MAP3K8: variants seen among roughly 807,000 people sequenced by gnomAD.
The protein encoded by MAP3K8 is Ewing sarcoma transformant.
In MAP3K8, 22 loss-of-function variants were observed where a neutral mutation model predicts 45.8. The observed-to-expected ratio is 0.48, with a 90% CI of 0.34 to 0.69. The LOEUF (loss-of-function observed/expected upper bound fraction) is 0.69. Ranked by LOEUF, MAP3K8 falls within the 30% of genes least tolerant of loss-of-function variation. The pLI is 0.01. For synonymous variants in MAP3K8, 223 were observed against 214.3 expected (o/e 1.04, Z -0.36); for missense variants, 419 against 585.0 (o/e 0.72, Z 2.93).
chr10:30,442,710 G>A (rs8176983), intron 3 of MAP3K8, among the ~76,000 whole-genome samples: 26,111 of 152,136 alleles, frequency 0.17, 3,197 homozygotes, highest in African/African-American at 0.34. Context: ...TCTAAAATGA[G>A]TTCCAAACAC....
chr10:30,458,903 C>A (rs563470529), intron 7 of MAP3K8, among the ~76,000 whole-genome samples: 6 of 152,194 alleles, frequency 3.9e-5, no homozygotes, highest in Non-Finnish European at 5.9e-5. Context: ...AGCAAGACCC[C>A]ATCGCTACAA....
chr10:30,441,317 C>A (rs1015311115), intron 3 of MAP3K8, among the ~76,000 whole-genome samples: 3 of 152,066 alleles, frequency 2.0e-5, no homozygotes, highest in Non-Finnish European at 4.4e-5. Context: ...CCACCATACC[C>A]GGCTAATTTT....
chr10:30,437,817 G>A (rs1226821450), intron 2 of MAP3K8, among the ~76,000 whole-genome samples: 1 of 152,192 alleles, frequency 6.6e-6, no homozygotes, highest in Non-Finnish European at 1.5e-5. Flanking sequence ...GTGCTTCTCA[G>A]AACTTGAAAT....
chr10:30,458,268 C>CGGG (rs9299646), intron 7 of MAP3K8, 32 bp downstream of exon 7: 5,917 of 440,810 alleles, frequency 0.013, 157 homozygotes, highest in African/African-American at 0.05. Flanking sequence ...CTGGGGGCGG[C>CGGG]GGGGGGGGGC....
Position 30,434,340 on chromosome 10 carries a change from C to A in MAP3K8, c.-293C>A. On this transcript the variant is annotated 5_prime_UTR_variant, in exon 1 of 9. The change creates a new upstream start codon in the 5' untranslated region. Transcript: ENST00000263056. ...GCACCGAACCTTCGGGGGGCCGCGGCTGGAGCGCTCGGCCGGCGTGGGAGC... is the reference window on the plus strand; with the variant it reads ...GCACCGAACCTTCGGGGGGCCGCGGATGGAGCGCTCGGCCGGCGTGGGAGC... The A allele has an allele frequency of 1.7e-6, 1 of 584,072 alleles. No homozygotes were observed. The highest frequency in any genetic ancestry group is 2.2e-6 in the Non-Finnish European group (1 of 462,954). The allele number at this position is 584,072 out of a possible 1,614,324, so 36.2% of individuals were successfully genotyped here. A position where few individuals can be genotyped will look rare whatever the true frequency, so the allele number is the denominator to read the frequency against.
At chr10:30,434,843 C>T (rs944698325) in intron 1 of MAP3K8, 1 of 935,310 alleles carries the variant, frequency 1.1e-6, no homozygotes. Flanking sequence ...ACTTAGAGAA[C>T]CAGGAGGAAA....
intron 7 of MAP3K8, 53 bp downstream of exon 7, chr10:30,458,289 G>A (rs1386893010): frequency 2.3e-6 from 3 of 1,282,104 alleles, no homozygotes; most frequent in Non-Finnish European, 1.0e-6. Flanking sequence ...GTTGAGTTAT[G>A]CATCCCGCAG....
chr10:30,442,232 G>A (rs1836139469), intron 3 of MAP3K8, among the ~76,000 whole-genome samples: 2 of 152,244 alleles, frequency 1.3e-5, no homozygotes, highest in African/African-American at 4.8e-5. Flanking sequence ...CATGCTGTTT[G>A]CTCTGGCAGT....
chr10:30,434,175 G>T (rs1211410455), upstream of MAP3K8: 2 of 152,790 alleles, frequency 1.3e-5, no homozygotes, highest in Non-Finnish European at 2.9e-5. Context: ...TGCGGGCGAC[G>T]CGGGTCTCAC....
chr10:30,453,203 T>C (rs1836610893), intron 6 of MAP3K8, among the ~76,000 whole-genome samples: 1 of 152,132 alleles, frequency 6.6e-6, no homozygotes, highest in Admixed American at 6.6e-5. Context: ...AGTCTAACCC[T>C]AAGGTCTAAC....
At chr10:30,434,874 C>T (rs566736228) in intron 1 of MAP3K8, 61 of 752,328 alleles carry the variant, frequency 8.1e-5, no homozygotes, top group Non-Finnish European at 8.9e-5. Context: ...TGTGGGTTGG[C>T]GGAGCCCAGA....
chr10:30,447,691 T>C, intron 3 of MAP3K8, 91 bp from the exon 4 acceptor site: 1 of 912,134 alleles, frequency 1.1e-6, no homozygotes, highest in Non-Finnish European at 1.8e-6. Context: ...ATCAGAATGC[T>C]GCTAAAATAA....
At chr10:30,452,023 CACA>C (rs1422168832) in intron 6 of MAP3K8, among the ~76,000 whole-genome samples, 3 of 151,928 alleles carry the variant, frequency 2.0e-5, no homozygotes, top group Non-Finnish European at 2.9e-5. Context: ...AACATTTGTA[CACA>C]ATGTCATGTC....
At chr10:30,446,129 G>A (rs2132802109) in intron 3 of MAP3K8, among the ~76,000 whole-genome samples, 1 of 152,324 alleles carries the variant, frequency 6.6e-6, no homozygotes, top group African/African-American at 2.4e-5. Flanking sequence ...CTGGCCTCAA[G>A]TAGTCTTCCC....
intron 3 of MAP3K8, among the ~76,000 whole-genome samples, chr10:30,439,682 G>C (rs1022658112): frequency 6.6e-6 from 1 of 152,098 alleles, no homozygotes; most frequent in East Asian, 1.9e-4. Flanking sequence ...GGTGGCGGGT[G>C]CCTGTAATTC....
At chr10:30,439,574 C>T in intron 3 of MAP3K8, 1 of 510,408 alleles carries the variant, frequency 2.0e-6, no homozygotes, top group Non-Finnish European at 3.4e-6. Context: ...CTTGGAGAGG[C>T]CGAGGTGGGT....
At chr10:30,457,086 A>C (rs1052930768) in intron 6 of MAP3K8, among the ~76,000 whole-genome samples, 1 of 147,952 alleles carries the variant, frequency 6.8e-6, no homozygotes, top group Non-Finnish European at 1.5e-5. Context: ...CCCATCTCGA[A>C]AAAAAAAAAA....
rs969541888 is a variant in MAP3K8 at position 30,458,140 on chromosome 10, C to A, written c.930C>A (p.Ile310=). ...GGGGCCATTCAACCAAAGCAGACAT[C>A]TACAGCCTGGGGGCCACGCTCATCC... is the stretch of plus-strand genomic sequence containing the variant. ...LCRGHSTKAD[I]YSLGATLIHM... The change falls in exon 7 of 9, where the codon ATC becomes ATA. Residue 310 remains isoleucine (I), a synonymous_variant. Coordinates refer to ENST00000263056, the MANE Select transcript of MAP3K8 (RefSeq NM_005204.4). The A allele has an allele frequency of 6.3e-7, 1 of 1,594,966 alleles. No individual in the cohort carries two copies. The highest frequency in any genetic ancestry group is 1.1e-5 in the South Asian group (1 of 87,740).
chr10:30,448,605 T>C (rs1836427928), intron 4 of MAP3K8, among the ~76,000 whole-genome samples: 1 of 151,952 alleles, frequency 6.6e-6, no homozygotes, highest in African/African-American at 2.4e-5. Context: ...GCTAATTTTT[T>C]GTATTTTCAG....
Sources: gnomAD v4.1 joint callset for allele counts (sites outside exome capture counted in the v4.1 genomes callset) on GRCh38, gnomAD v4.1.1 for gene constraint, MANE v1.5 for transcripts, NCBI Gene and HGNC (gene_info 2026-07-23, HGNC 2026-07-21) for gene names.